TFDP1: variants seen among roughly 807,000 people sequenced by gnomAD.
The protein encoded by TFDP1 is transcription factor Dp-1, also known as DRTF1-polypeptide 1.
TFDP1 carries 6 observed loss-of-function variants against 48.0 expected under a neutral mutation model. The ratio of observed to expected loss-of-function variants is 0.13; its 90% CI spans 0.07 to 0.25. TFDP1 has a LOEUF of 0.25. Ranked by LOEUF, TFDP1 falls within the 10% of genes least tolerant of loss-of-function variation. The pLI, the probability that TFDP1 is intolerant of heterozygous loss-of-function variation, is 1.00. For synonymous variants in TFDP1, 201 were observed against 211.6 expected, an observed-to-expected ratio of 0.95 and a Z score of 0.44; for missense variants, 335 against 543.0, an observed-to-expected ratio of 0.62 and a Z score of 3.81.
At chr13:113,594,801 C>G (rs1203021884) in intron 2 of TFDP1, among the ~76,000 whole-genome samples, 6 of 152,204 alleles carry the variant, frequency 3.9e-5, no homozygotes, top group Non-Finnish European at 8.8e-5. Flanking sequence ...AATAATATGA[C>G]TTACTAAAAA....
chr13:113,630,407 T>G (rs941028174), intron 4 of TFDP1, among the ~76,000 whole-genome samples: 21 of 152,138 alleles, frequency 1.4e-4, no homozygotes, highest in Admixed American at 2.0e-4. Context: ...TGATCTGGCC[T>G]AGGGATAATT....
chr13:113,634,690 T>A (rs2049427924), intron 8 of TFDP1, 88 bp downstream of exon 8: 5 of 949,984 alleles, frequency 5.3e-6, no homozygotes, highest in Non-Finnish European at 8.1e-6. Flanking sequence ...TGGGTTACAC[T>A]CCTGCATGGC....
intron 2 of TFDP1, among the ~76,000 whole-genome samples, chr13:113,602,890 C>A (rs373593361): frequency 1.3e-5 from 2 of 149,974 alleles, no homozygotes; most frequent in African/African-American, 4.9e-5. Context: ...GGTGTCAAAT[C>A]TTTTGTTTTC....
In TFDP1 at chr13:113,633,254, C is replaced by G. The variant is rs1053145657; in HGVS notation, c.443C>G (p.Ala148Gly). The G allele has an allele frequency of 6.2e-7, 1 of 1,613,870 alleles. No homozygotes were observed. Among genetic ancestry groups the G allele is most frequent in the African/African-American group, 1.3e-5 (1 of 74,942 alleles). Residue 148 changes from alanine to glycine, a missense_variant, in exon 6 of 12, where the codon GCT (alanine) becomes GGT (glycine). Ala to Gly is a moderately conservative substitution (Grantham distance 60). This residue lies in a region of TFDP1 where 28 missense variants were observed against 115.5 expected (regional missense o/e 0.24). Coordinates refer to ENST00000375370, the MANE Select transcript of TFDP1 (RefSeq NM_007111.5). This position sits in a 1 kb window ranked among gnomAD's most constrained non-coding sequence, Gnocchi z 4.5. Reference protein sequence around the residue: ...VADELVAEFSAADNHILPNES... With the variant: ...VADELVAEFSGADNHILPNES... ...GACGAGCTGGTTGCGGAGTTCAGTG[C>G]TGCCGACAACCACATCTTACCAAAC...
In TFDP1 at chr13:113,636,635, G is replaced by C; in HGVS notation, c.941G>C (p.Cys314Ser). ...GCTTGCGGGCTGGAGTCGGGGAGCT[G>C]CTCTGCCGAAGACCTTAAAATGGCC... ...GMACGLESGS[C>S]SAEDLKMARS... Residue 314 changes from cysteine to serine, a missense_variant, in exon 10 of 12, where the codon TGC (cysteine) becomes TCC (serine). Coordinates refer to ENST00000375370, the MANE Select transcript of TFDP1 (RefSeq NM_007111.5). 6.2e-7 allele frequency: 1 copy of C among 1,613,360 alleles called. No individual in the cohort carries two copies. The highest frequency in any genetic ancestry group is 8.5e-7 in the Non-Finnish European group (1 of 1,180,026).
At chr13:113,637,692 C>G (rs570497029) in intron 10 of TFDP1, 126 bp from the exon 11 acceptor site, 1 of 1,563,254 alleles carries the variant, frequency 6.4e-7, no homozygotes, top group Admixed American at 1.9e-5. Flanking sequence ...ACTGGACAAG[C>G]GAAGGATATC....
chr13:113,615,431 C>T (rs926917202), intron 3 of TFDP1, among the ~76,000 whole-genome samples: 2 of 152,194 alleles, frequency 1.3e-5, no homozygotes, highest in African/African-American at 2.4e-5. Context: ...CCCATGGCTG[C>T]CTGCACTCTC....
At position 113,607,744 on chromosome 13, in the gene TFDP1, C is replaced by T. The variant is rs564713866; in HGVS notation, c.13-3252C>T. ...AAGAAGCACTGCCCGCAAGGAGGGG[C>T]TGTGCCAGTGGGTGGCGGTGACGGG... On this transcript the variant is annotated intron_variant, in intron 2 of 11. Transcript: ENST00000375370. The surrounding 1 kb of genome is among the most constrained non-coding windows in gnomAD (Gnocchi z 5.2). Among the ~76,000 whole-genome samples the T allele has an allele frequency of 6.6e-6, 1 of 152,190 alleles. No homozygotes were observed. The highest frequency in any genetic ancestry group is 1.5e-5 in the Non-Finnish European group (1 of 68,022).
chr13:113,599,153 C>G (rs1013116341), intron 2 of TFDP1, among the ~76,000 whole-genome samples: 3 of 151,376 alleles, frequency 2.0e-5, no homozygotes, highest in Non-Finnish European at 4.4e-5. Context: ...ATGTTTTACT[C>G]AACAGTTTGT....
intron 2 of TFDP1, among the ~76,000 whole-genome samples, chr13:113,589,683 T>C (rs1462198392): frequency 6.6e-6 from 1 of 152,198 alleles, no homozygotes; most frequent in Non-Finnish European, 1.5e-5. Flanking sequence ...CGTCCTCAGA[T>C]TCAGTCTTGG....
intron 3 of TFDP1, among the ~76,000 whole-genome samples, chr13:113,611,517 G>T (rs1388945014): frequency 2.6e-5 from 4 of 152,232 alleles, no homozygotes; most frequent in African/African-American, 9.6e-5. Flanking sequence ...ACTAGCTCTT[G>T]AGGAAGAGCC....
chr13:113,610,753 G>C (rs1181429473), intron 2 of TFDP1, among the ~76,000 whole-genome samples: 2 of 152,240 alleles, frequency 1.3e-5, no homozygotes, highest in Non-Finnish European at 2.9e-5. Context: ...TGTGGATTCT[G>C]TAAGTCATGG....
At position 113,631,687 on chromosome 13, in the gene TFDP1, C is replaced by T; in HGVS notation, c.251C>T (p.Pro84Leu). The change falls in exon 5 of 12, where the codon CCC becomes CTC. Residue 84 changes from proline to leucine, a missense_variant. Around this residue, in one of 3 missense-constraint regions of TFDP1, gnomAD observed 103 missense variants for 140.4 expected, o/e 0.73. Coordinates refer to ENST00000375370, the MANE Select transcript of TFDP1 (RefSeq NM_007111.5). The stretch of plus-strand genomic sequence containing the variant: ...CTGGTGGTAGGAAGCCCACACACCC[C>T]CAGCACTCACTTTGCCTCTCAGAAC... ...NTLVVGSPHT[P>L]STHFASQNQP... is the part of the protein sequence containing the mutation. The T allele has an allele frequency of 6.2e-7, 1 of 1,614,168 alleles. No homozygotes were observed. The highest frequency in any genetic ancestry group is 8.5e-7 in the Non-Finnish European group (1 of 1,180,038).
chr13:113,638,410 C>T (rs1042876287), intron 11 of TFDP1, among the ~76,000 whole-genome samples: 1 of 151,766 alleles, frequency 6.6e-6, no homozygotes, highest in African/African-American at 2.4e-5. Flanking sequence ...TTTTTCAGAA[C>T]GTCTGCCATC....
At chr13:113,593,475 C>T (rs542934975) in intron 2 of TFDP1, among the ~76,000 whole-genome samples, 6 of 132,278 alleles carry the variant, frequency 4.5e-5, no homozygotes, top group South Asian at 2.6e-4. Context: ...GTGGTGTGCG[C>T]GGGTCCTCAG....
chr13:113,590,425 C>T (rs560538122), intron 2 of TFDP1, among the ~76,000 whole-genome samples: 2 of 152,298 alleles, frequency 1.3e-5, no homozygotes, highest in Non-Finnish European at 2.9e-5. Flanking sequence ...TGGTGAAGTT[C>T]AGGCCTGAAG....
intron 4 of TFDP1, among the ~76,000 whole-genome samples, chr13:113,629,544 A>G (rs1435762462): frequency 1.3e-5 from 2 of 152,178 alleles, no homozygotes; most frequent in Non-Finnish European, 2.9e-5. Flanking sequence ...TGAGTGTGGT[A>G]TTCAGTGGGT....
At chr13:113,635,569 G>A (rs764701246) in intron 8 of TFDP1, among the ~76,000 whole-genome samples, 2 of 152,184 alleles carry the variant, frequency 1.3e-5, no homozygotes, top group South Asian at 2.1e-4. Flanking sequence ...GCCCTTCTGC[G>A]TTCCACTTTC....
intron 5 of TFDP1, among the ~76,000 whole-genome samples, chr13:113,632,830 C>A (rs1357580707): frequency 6.6e-6 from 1 of 152,238 alleles, no homozygotes; most frequent in African/African-American, 2.4e-5. Flanking sequence ...ACCGGCACAT[C>A]TCCCATATGC....
Sources: gnomAD v4.1 joint callset for allele counts (sites outside exome capture counted in the v4.1 genomes callset) on GRCh38, gnomAD v4.1.1 for gene constraint, gnomAD v4.1.1 regional missense constraint, Gnocchi (gnomAD v3.1) non-coding constraint, MANE v1.5 for transcripts, NCBI Gene and HGNC (gene_info 2026-07-23, HGNC 2026-07-21) for gene names.